CCDC91: variants seen among roughly 807,000 people sequenced by gnomAD.
CCDC91 encodes the protein coiled-coil domain-containing protein 91.
Under a neutral mutation model 63.2 loss-of-function variants are expected in CCDC91, and 48 were observed. That is an observed-to-expected ratio of 0.76 (90% CI 0.60 to 0.97). The LOEUF is 0.97. Among genes scored for constraint, CCDC91 ranks in the 50% least tolerant of loss-of-function variants. The pLI is 0.00. For synonymous variants in CCDC91, 167 were observed against 165.8 expected (o/e 1.01, Z -0.06); for missense variants, 500 against 494.6 (o/e 1.01, Z -0.10).
chr12:28,271,242 T>C (rs1385761774), intron 3 of CCDC91, among the ~76,000 whole-genome samples: 1 of 152,156 alleles, frequency 6.6e-6, no homozygotes, highest in Non-Finnish European at 1.5e-5. Flanking sequence ...TTTTCAAGTG[T>C]TAACTTTTGG....
At chr12:28,389,891 A>G (rs1945829826) in intron 7 of CCDC91, among the ~76,000 whole-genome samples, 1 of 152,154 alleles carries the variant, frequency 6.6e-6, no homozygotes, top group East Asian at 1.9e-4. Flanking sequence ...CAGGTAAGTT[A>G]GATTTATATC....
intron 1 of CCDC91, among the ~76,000 whole-genome samples, chr12:28,202,859 G>T (rs1942568257): frequency 6.6e-6 from 1 of 152,178 alleles, no homozygotes; most frequent in African/African-American, 2.4e-5. Context: ...CTTGTTGTTT[G>T]CCCCAACTGT....
intron 6 of CCDC91, among the ~76,000 whole-genome samples, chr12:28,331,869 G>A (rs572886515): frequency 6.6e-6 from 1 of 152,096 alleles, no homozygotes; most frequent in East Asian, 1.9e-4. Context: ...TATAAGAAAT[G>A]GTTCCTACTC....
intron 8 of CCDC91, among the ~76,000 whole-genome samples, chr12:28,418,697 A>G (rs1947826029): frequency 6.6e-6 from 1 of 152,146 alleles, no homozygotes. Flanking sequence ...AGATTAAACT[A>G]CTGGATTCTT....
intron 12 of CCDC91, among the ~76,000 whole-genome samples, chr12:28,513,688 G>GATTAAGC (rs1049398321): frequency 2.6e-5 from 4 of 151,746 alleles, no homozygotes; most frequent in African/African-American, 9.7e-5. Flanking sequence ...TCACTCTCTT[G>GATTAAGC]ATTAAGCATT....
rs1414843801 is a variant in CCDC91 at position 28,459,009 on chromosome 12, G to A, written c.1101+6355G>A. Among the ~76,000 whole-genome samples, 4 of 152,060 alleles carry A rather than the reference G, an allele frequency of 2.6e-5. No homozygotes were observed. In the Middle Eastern group the frequency reaches 0.01, roughly 388 times the overall value. Reference sequence around the variant, plus strand: ...TAGCATAAAATATACATCTTTCATTGACCTGGTCTTTACCTGTCTAGCTCG... The same window carrying A: ...TAGCATAAAATATACATCTTTCATTAACCTGGTCTTTACCTGTCTAGCTCG... On this transcript the variant is annotated intron_variant, in intron 11 of 12. Transcript: ENST00000536442.
Position 28,549,074 on chromosome 12 carries a change from C to T in CCDC91, c.1227C>T (p.Val409=), listed in dbSNP as rs757495533. 3.7e-6 allele frequency: 6 copies of T among 1,609,354 alleles called. No individual in the cohort carries two copies. Among genetic ancestry groups the T allele is most frequent in the East Asian group, 2.2e-5 (1 of 44,776 alleles). ...YIKEQKRLDQ[V]IRQRSLSSLE... is the part of the protein sequence containing the mutation. Reference sequence around the variant, plus strand: ...AAAAAATTAAACAGCTCGATCAAGTCATCCGCCAAAGAAGCCTGTCCAGTT... The same window carrying T: ...AAAAAATTAAACAGCTCGATCAAGTTATCCGCCAAAGAAGCCTGTCCAGTT... The change falls in exon 13 of 13, where the codon GTC becomes GTT. Residue 409 remains valine, a synonymous_variant. Coordinates refer to ENST00000536442, the MANE Select transcript of CCDC91 (RefSeq NM_018318.5).
intron 6 of CCDC91, among the ~76,000 whole-genome samples, chr12:28,322,495 G>C (rs1444804561): frequency 1.3e-5 from 2 of 151,570 alleles, no homozygotes; most frequent in Non-Finnish European, 2.9e-5. Flanking sequence ...GGTTTTTGAA[G>C]TTTCTCCCAT....
intron 3 of CCDC91, among the ~76,000 whole-genome samples, chr12:28,269,991 T>A (rs1947636316): frequency 6.6e-6 from 1 of 152,084 alleles, no homozygotes; most frequent in Non-Finnish European, 1.5e-5. Flanking sequence ...TTTTTCCTTA[T>A]TAAAGCATTG....
At chr12:28,475,650 G>C (rs1342517457) in intron 11 of CCDC91, among the ~76,000 whole-genome samples, 1 of 151,778 alleles carries the variant, frequency 6.6e-6, no homozygotes, top group Non-Finnish European at 1.5e-5. Context: ...CCTCTGTCTT[G>C]AGTGCTCTTG....
intron 1 of CCDC91, among the ~76,000 whole-genome samples, chr12:28,193,561 A>G (rs139288048): frequency 0.015 from 2,223 of 151,996 alleles, 65 homozygotes; most frequent in African/African-American, 0.051. Flanking sequence ...AGATCGTGCC[A>G]CTGCACTCCA....
chr12:28,247,851 G>A (rs982693657), intron 1 of CCDC91, among the ~76,000 whole-genome samples: 7 of 152,118 alleles, frequency 4.6e-5, no homozygotes, highest in Admixed American at 6.5e-5. Context: ...GGATCATCAG[G>A]CATTAGTTAG....
chr12:28,439,875 G>T (rs1176113557), intron 8 of CCDC91, among the ~76,000 whole-genome samples: 9 of 150,078 alleles, frequency 6.0e-5, no homozygotes, highest in African/African-American at 2.0e-4. Flanking sequence ...TTTATTTTAG[G>T]TTAATTTTTT....
At chr12:28,503,745 C>T (rs978872109) in intron 12 of CCDC91, among the ~76,000 whole-genome samples, 2 of 152,094 alleles carry the variant, frequency 1.3e-5, no homozygotes, top group African/African-American at 4.8e-5. Context: ...CCATGGAATA[C>T]TATGCAGCCA....
At chr12:28,435,737 T>C (rs1948868682) in intron 8 of CCDC91, among the ~76,000 whole-genome samples, 1 of 151,820 alleles carries the variant, frequency 6.6e-6, no homozygotes, top group African/African-American at 2.4e-5. Context: ...AGTGGACTTA[T>C]CTTTTCTCCT....
intron 12 of CCDC91, among the ~76,000 whole-genome samples, chr12:28,529,828 T>A (rs960265271): frequency 6.6e-6 from 1 of 152,224 alleles, no homozygotes. Context: ...TATGTCTTTT[T>A]TTCAAACTGG....
At chr12:28,346,521 CTT>C (rs1942822642) in intron 6 of CCDC91, among the ~76,000 whole-genome samples, 2 of 152,082 alleles carry the variant, frequency 1.3e-5, no homozygotes, top group African/African-American at 4.8e-5. Context: ...CTAACCGTCC[CTT>C]CAGTGTGTAG....
intron 11 of CCDC91, among the ~76,000 whole-genome samples, chr12:28,468,273 C>G (rs1950639949): frequency 6.6e-6 from 1 of 150,778 alleles, no homozygotes; most frequent in Non-Finnish European, 1.5e-5. Context: ...CATCTAGTAT[C>G]TATACTACAT....
chr12:28,413,072 A>C lies in CCDC91; in HGVS notation c.762+21661A>C, dbSNP rs980053400. 1.6e-5 allele frequency: 3 copies of C among 182,200 alleles called. No homozygotes were observed. The South Asian group carries it at 3.1e-4, about 19-fold the overall frequency. The allele number at this position is 182,200 out of a possible 1,614,324, so 11.3% of individuals were successfully genotyped here. ...CACAAATTGCTGCCTCTAGAGACTCAAAAAAGTCCTTTTCCATTGTTTTCT... is the reference window on the plus strand; with the variant it reads ...CACAAATTGCTGCCTCTAGAGACTCCAAAAAGTCCTTTTCCATTGTTTTCT... On this transcript the variant is annotated intron_variant, in intron 8 of 12. Coordinates refer to ENST00000536442, the MANE Select transcript of CCDC91 (RefSeq NM_018318.5).
Sources: gnomAD v4.1 joint callset for allele counts (sites outside exome capture counted in the v4.1 genomes callset) on GRCh38, gnomAD v4.1.1 for gene constraint, MANE v1.5 for transcripts, NCBI Gene and HGNC (gene_info 2026-07-23, HGNC 2026-07-21) for gene names.